ZDHHC17: variants seen among roughly 807,000 people sequenced by gnomAD.
ZDHHC17 encodes palmitoyltransferase ZDHHC17.
A neutral mutation model predicts 90.3 loss-of-function variants in ZDHHC17; 40 were observed. That is an observed-to-expected ratio of 0.44 (90% CI 0.34 to 0.58). ZDHHC17 has a LOEUF of 0.58. ZDHHC17 is among the 20% of genes least tolerant of loss of function. ZDHHC17 has a pLI of 0.01. For missense variants in ZDHHC17, 614 were observed against 780.8 expected (o/e 0.79, Z 2.55); for synonymous variants, 235 against 252.4 (o/e 0.93, Z 0.65).
In ZDHHC17 at chr12:76,845,740, G is replaced by A. The variant is rs1291889912; in HGVS notation, c.1361G>A (p.Gly454Asp). The A allele has an allele frequency of 1.2e-6, 2 of 1,611,226 alleles. No homozygotes were observed. Among genetic ancestry groups the A allele is most frequent in the South Asian group, 1.1e-5 (1 of 90,858 alleles). ...IRKPVRSKHCGVCNRCIAKFD... is the reference protein window; with the variant it reads ...IRKPVRSKHCDVCNRCIAKFD... ...AAACCGGTGAGGTCCAAACATTGTG[G>A]TGTGTGCAACCGCTGTATAGCAAAA... The change falls in exon 13 of 17, where the codon GGT becomes GAT. Residue 454 changes from glycine (G) to aspartate (D), a missense_variant. By Grantham distance (94) the Gly-to-Asp change is moderately conservative. Transcript: ENST00000426126.
chr12:76,819,609 A>T (rs1049755844), intron 7 of ZDHHC17, among the ~76,000 whole-genome samples: 1 of 152,204 alleles, frequency 6.6e-6, no homozygotes, highest in Non-Finnish European at 1.5e-5. Flanking sequence ...TATTAACTAG[A>T]GATTTACCTT....
chr12:76,809,679 T>C (rs758414332), intron 4 of ZDHHC17, 34 bp from the exon 5 acceptor site: 27 of 1,373,622 alleles, frequency 2.0e-5, no homozygotes, highest in Non-Finnish European at 2.2e-5. Flanking sequence ...GAAATAACTT[T>C]ATATATCTAA....
chr12:76,843,531 A>G (rs1407968395), intron 12 of ZDHHC17, among the ~76,000 whole-genome samples: 1 of 152,076 alleles, frequency 6.6e-6, no homozygotes, highest in Admixed American at 6.6e-5. Context: ...GTAAAGATAT[A>G]TATGAAATTA....
chr12:76,803,902 T>G (rs1046703576), intron 2 of ZDHHC17, among the ~76,000 whole-genome samples: 8 of 152,070 alleles, frequency 5.3e-5, no homozygotes, highest in Non-Finnish European at 1.2e-4. Context: ...CTCAAAGGGG[T>G]GACTAGCTAG....
chr12:76,778,650 C>T (rs941178186), intron 1 of ZDHHC17, among the ~76,000 whole-genome samples: 4 of 152,172 alleles, frequency 2.6e-5, no homozygotes, highest in African/African-American at 9.7e-5. Flanking sequence ...AATTTTAGCC[C>T]AGTCTTATAG....
At chr12:76,798,691 C>T (rs1952851671) in intron 2 of ZDHHC17, among the ~76,000 whole-genome samples, 1 of 152,154 alleles carries the variant, frequency 6.6e-6, no homozygotes, top group African/African-American at 2.4e-5. Context: ...AGCATAGCGG[C>T]TTCTGCTTCT....
At chr12:76,804,612 T>G (rs1297827535) in intron 2 of ZDHHC17, among the ~76,000 whole-genome samples, 1 of 152,068 alleles carries the variant, frequency 6.6e-6, no homozygotes, top group African/African-American at 2.4e-5. Context: ...GGGAAGAAAG[T>G]TTCATTATTG....
chr12:76,811,863 A>G (rs758934325), intron 5 of ZDHHC17, among the ~76,000 whole-genome samples: 1 of 152,160 alleles, frequency 6.6e-6, no homozygotes, highest in African/African-American at 2.4e-5. Context: ...TTGAGTGTCA[A>G]CATGATGCCA....
chr12:76,787,785 G>T (rs188131310), intron 1 of ZDHHC17, among the ~76,000 whole-genome samples: 1 of 152,268 alleles, frequency 6.6e-6, no homozygotes, highest in African/African-American at 2.4e-5. Flanking sequence ...CCATATACTA[G>T]TTATAACCAG....
Position 76,797,461 on chromosome 12 carries a change from C to T in ZDHHC17, c.121C>T (p.His41Tyr). ...EEIKPQSHYN[H>Y]GYGEPLGRKT... ...AATCAAACCCCAAAGCCATTATAACCATGGATATGGTGAACCTCTTGGACG... is the reference window on the plus strand; with the variant it reads ...AATCAAACCCCAAAGCCATTATAACTATGGATATGGTGAACCTCTTGGACG... The change falls in exon 2 of 17, where the codon CAT becomes TAT. Residue 41 changes from histidine (H) to tyrosine (Y), a missense_variant. His to Tyr is a moderately conservative substitution (Grantham distance 83, BLOSUM62 2). This residue lies in a region of ZDHHC17 where 358 missense variants were observed against 380.4 expected (regional missense o/e 0.94). Coordinates refer to ENST00000426126, the MANE Select transcript of ZDHHC17 (RefSeq NM_015336.4). 1 of 1,608,694 alleles carries T rather than the reference C, an allele frequency of 6.2e-7. No individual in the cohort carries two copies. The highest frequency in any genetic ancestry group is 1.1e-5 in the South Asian group (1 of 89,770).
At chr12:76,805,540 T>G in intron 3 of ZDHHC17, 101 bp downstream of exon 3, 1 of 1,084,240 alleles carries the variant, frequency 9.2e-7, no homozygotes, top group Non-Finnish European at 1.3e-6. Flanking sequence ...CTAAAATTCA[T>G]GGCTTTTAGA....
intron 1 of ZDHHC17, among the ~76,000 whole-genome samples, chr12:76,786,973 A>C (rs1952695045): frequency 6.6e-6 from 1 of 152,216 alleles, no homozygotes. Context: ...TAGGATTTTC[A>C]GTTACGTATC....
chr12:76,791,647 CTA>C (rs1298117976), intron 1 of ZDHHC17, among the ~76,000 whole-genome samples: 1 of 152,140 alleles, frequency 6.6e-6, no homozygotes, highest in Non-Finnish European at 1.5e-5. Flanking sequence ...CCTGAACTCA[CTA>C]TACTTAGTAT....
rs1431782006 is a variant in ZDHHC17 at position 76,764,201 on chromosome 12, CCCGAGCCCCGG to C, written c.-35_-25del. On this transcript the variant is annotated 5_prime_UTR_variant, in exon 1 of 17. Transcript: ENST00000426126. ...CGCCCCGCGCTCGCCCTCCGCCTCG[CCCGAGCCCCGG>C]GAGGGTGAAACGCTTTCTCCCAGCA... 6.6e-7 allele frequency: 1 copy of C among 1,524,576 alleles called. No homozygotes were observed. The highest frequency in any genetic ancestry group is 8.8e-7 in the Non-Finnish European group (1 of 1,130,588). The allele number at this position is 1,524,576 out of a possible 1,614,324, so 94.4% of individuals were successfully genotyped here.
At chr12:76,800,752 G>A (rs1232002241) in intron 2 of ZDHHC17, among the ~76,000 whole-genome samples, 1 of 152,018 alleles carries the variant, frequency 6.6e-6, no homozygotes, top group East Asian at 1.9e-4. Flanking sequence ...AAGTGTGTCT[G>A]TTGTAGATAG....
At chr12:76,809,623 C>A in intron 4 of ZDHHC17, 90 bp from the exon 5 acceptor site, 1 of 1,056,914 alleles carries the variant, frequency 9.5e-7, no homozygotes, top group Non-Finnish European at 1.3e-6. Context: ...ACGTAATCTT[C>A]CCACCATACC....
intron 7 of ZDHHC17, among the ~76,000 whole-genome samples, chr12:76,818,957 C>G (rs1405359747): frequency 4.6e-5 from 7 of 152,094 alleles, no homozygotes; most frequent in African/African-American, 1.2e-4. Context: ...ATCAGTTAGG[C>G]TGTTGCAATA....
intron 5 of ZDHHC17, among the ~76,000 whole-genome samples, chr12:76,813,706 G>A (rs75336591): frequency 2.6e-3 from 396 of 152,182 alleles, no homozygotes; most frequent in Middle Eastern, 0.01. Flanking sequence ...TGTAATTCAG[G>A]AATGGGAGAT....
chr12:76,776,808 T>G (rs1175014217), intron 1 of ZDHHC17, among the ~76,000 whole-genome samples: 1 of 152,232 alleles, frequency 6.6e-6, no homozygotes, highest in Non-Finnish European at 1.5e-5. Context: ...AAAGTTCAAT[T>G]GGACAGCTTT....
Sources: gnomAD v4.1 joint callset for allele counts (sites outside exome capture counted in the v4.1 genomes callset) on GRCh38, gnomAD v4.1.1 for gene constraint, gnomAD v4.1.1 regional missense constraint, MANE v1.5 for transcripts, NCBI Gene and HGNC (gene_info 2026-07-23, HGNC 2026-07-21) for gene names.